Variants in POFUT3 observed in about 807,000 individuals in gnomAD.
The protein encoded by POFUT3 is GDP-fucose protein O-fucosyltransferase 3.
the POFUT3 span, among the ~76,000 whole-genome samples, chr8:33,467,943 C>A: frequency 6.6e-6 from 1 of 152,074 alleles, no homozygotes; most frequent in Admixed American, 6.6e-5. Flanking sequence ...GCTTTCCGAA[C>A]CTGGTAGTTT....
At chr8:33,405,071 G>T in the POFUT3 span, among the ~76,000 whole-genome samples, 1 of 152,006 alleles carries the variant, frequency 6.6e-6, no homozygotes, top group Non-Finnish European at 1.5e-5. Flanking sequence ...CTTTTTGTAT[G>T]GATCTGAACT....
the POFUT3 span, among the ~76,000 whole-genome samples, chr8:33,384,120 C>T: frequency 5.9e-5 from 9 of 152,020 alleles, no homozygotes; most frequent in African/African-American, 9.7e-5. Context: ...TGAGAGAAAG[C>T]TCACAACAAG....
At chr8:33,372,621 T>A in the POFUT3 span, 2 of 1,614,028 alleles carry the variant, frequency 1.2e-6, no homozygotes, top group Non-Finnish European at 1.7e-6. Flanking sequence ...GATGAAAAGT[T>A]TTGATTCCTA....
At chr8:33,369,069 C>T in the POFUT3 span, among the ~76,000 whole-genome samples, 2 of 152,152 alleles carry the variant, frequency 1.3e-5, no homozygotes, top group African/African-American at 4.8e-5. Flanking sequence ...CAACGATTCC[C>T]TTTTTCTGGA....
the POFUT3 span, among the ~76,000 whole-genome samples, chr8:33,368,678 G>A: frequency 6.6e-6 from 1 of 152,078 alleles, no homozygotes; most frequent in Non-Finnish European, 1.5e-5. Flanking sequence ...ATTCAGAATT[G>A]GGAAATGGAA....
At chr8:33,394,202 A>G in the POFUT3 span, 11 of 222,032 alleles carry the variant, frequency 5.0e-5, no homozygotes, top group Middle Eastern at 4.8e-4. Context: ...TATAAATAAA[A>G]TAAAATAAAA....
At chr8:33,318,230 A>G in the POFUT3 span, among the ~76,000 whole-genome samples, 1 of 151,720 alleles carries the variant, frequency 6.6e-6, no homozygotes, top group Non-Finnish European at 1.5e-5. Flanking sequence ...TTTCGTCTGA[A>G]GTTTAAACTG....
chr8:33,327,956 C>A, the POFUT3 span, among the ~76,000 whole-genome samples: 3 of 152,168 alleles, frequency 2.0e-5, no homozygotes, highest in Non-Finnish European at 2.9e-5. Context: ...CTCCATTTTT[C>A]TGCCTTCACT....
chr8:33,410,562 C>T, the POFUT3 span, among the ~76,000 whole-genome samples: 8 of 152,068 alleles, frequency 5.3e-5, no homozygotes, highest in African/African-American at 1.9e-4. Flanking sequence ...AAGTGAAAAG[C>T]CAGAAGTCTC....
the POFUT3 span, chr8:33,371,230 A>T: frequency 6.6e-6 from 1 of 152,212 alleles, no homozygotes; most frequent in Non-Finnish European, 1.5e-5. Flanking sequence ...GAACCCAGTT[A>T]TAGACACCTT....
the POFUT3 span, among the ~76,000 whole-genome samples, chr8:33,410,298 A>T: frequency 1.3e-5 from 2 of 152,170 alleles, no homozygotes; most frequent in African/African-American, 4.8e-5. Context: ...TTTGATTGTT[A>T]GAGTGTTAGC....
chr8:33,469,771 C>A, the POFUT3 span, among the ~76,000 whole-genome samples: 5 of 151,540 alleles, frequency 3.3e-5, no homozygotes, highest in Non-Finnish European at 7.4e-5. Flanking sequence ...TGATACAATG[C>A]CTCAATTAGA....
At chr8:33,419,540 C>T in the POFUT3 span, among the ~76,000 whole-genome samples, 115 of 152,324 alleles carry the variant, frequency 7.5e-4, no homozygotes, top group African/African-American at 2.8e-3. Context: ...ACCCGCCACT[C>T]GCCTCCTGCT....
chr8:33,324,215 G>A, the POFUT3 span, among the ~76,000 whole-genome samples: 1 of 152,156 alleles, frequency 6.6e-6, no homozygotes, highest in Admixed American at 6.5e-5. Context: ...CTGGCTAGAA[G>A]AAATCAGCCA....
chr8:33,390,121 G>C, the POFUT3 span, among the ~76,000 whole-genome samples: 1 of 152,080 alleles, frequency 6.6e-6, no homozygotes, highest in African/African-American at 2.4e-5. Context: ...ACTTGAACCC[G>C]GGAGGTGAAG....
At chr8:33,397,687 CTTAGTTA>C in the POFUT3 span, among the ~76,000 whole-genome samples, 2 of 152,124 alleles carry the variant, frequency 1.3e-5, no homozygotes, top group African/African-American at 4.8e-5. Context: ...ACCTCTTATT[CTTAGTTA>C]TTAAAGACCA....
chr8:33,330,494 G>C, the POFUT3 span, among the ~76,000 whole-genome samples: 4 of 152,208 alleles, frequency 2.6e-5, no homozygotes, highest in South Asian at 6.2e-4. Context: ...AGAAATCACA[G>C]GTTAGCAGGG....
the POFUT3 span, chr8:33,389,845 G>T: frequency 1.5e-6 from 2 of 1,371,786 alleles, no homozygotes; most frequent in Non-Finnish European, 2.1e-6. Flanking sequence ...AAAAGATGTT[G>T]CTAAGTTTGG....
the POFUT3 span, among the ~76,000 whole-genome samples, chr8:33,364,952 GAC>G: frequency 6.6e-6 from 1 of 152,112 alleles, no homozygotes; most frequent in Admixed American, 6.6e-5. Context: ...ACATTGCCAA[GAC>G]AATCTTAAGC....
Sources: gnomAD v4.1 joint callset for allele counts (sites outside exome capture counted in the v4.1 genomes callset) on GRCh38, gnomAD v4.1.1 for gene constraint, MANE v1.5 for transcripts, NCBI Gene and HGNC (gene_info 2026-07-23, HGNC 2026-07-21) for gene names.